IFT140: variants seen among roughly 807,000 people sequenced by gnomAD.
IFT140 encodes the protein intraflagellar transport protein 140 homolog.
In IFT140, 133 loss-of-function variants were observed where a neutral mutation model predicts 164.6. The observed-to-expected ratio is 0.81, with a 90% CI of 0.70 to 0.93. The LOEUF (loss-of-function observed/expected upper bound fraction) is 0.93. Among genes scored for constraint, IFT140 ranks in the 40% least tolerant of loss-of-function variants. The pLI is 0.00. For missense variants in IFT140, 2,045 were observed against 1,972.3 expected (o/e 1.04, Z -0.70); for synonymous variants, 860 against 817.3 (o/e 1.05, Z -0.89).
At chr16:1,526,246 G>A (rs900618667) in intron 20 of IFT140, 169 bp from the exon 21 acceptor site, 10 of 665,416 alleles carry the variant, frequency 1.5e-5, no homozygotes, top group South Asian at 3.8e-5. Context: ...GGGCATCCCC[G>A]TCCCACGGCT....
chr16:1,582,107 C>A (rs183745629), intron 12 of IFT140, among the ~76,000 whole-genome samples: 44 of 152,212 alleles, frequency 2.9e-4, no homozygotes, highest in African/African-American at 1.1e-3. Context: ...GGGAGCTGAG[C>A]TGCACATCCT....
intron 19 of IFT140, among the ~76,000 whole-genome samples, chr16:1,528,351 A>G (rs2029983952): frequency 7.6e-6 from 1 of 131,468 alleles, no homozygotes; most frequent in African/African-American, 2.6e-5. Flanking sequence ...ACACGCATGC[A>G]CGCACGTGTG....
chr16:1,595,826 A>G (rs2755185), intron 4 of IFT140, among the ~76,000 whole-genome samples: 67,344 of 152,006 alleles, frequency 0.44, 16,625 homozygotes, highest in African/African-American at 0.67. Flanking sequence ...ACCGAGGTGA[A>G]CAGATCACTT....
chr16:1,598,834 A>G (rs942911344), intron 4 of IFT140, among the ~76,000 whole-genome samples: 18 of 149,652 alleles, frequency 1.2e-4, no homozygotes, highest in African/African-American at 4.2e-4. Context: ...CCCGGCCGCC[A>G]CCCCGTCTGG....
At chr16:1,512,488 G>A (rs73497509) in intron 30 of IFT140, among the ~76,000 whole-genome samples, 6 of 152,070 alleles carry the variant, frequency 3.9e-5, no homozygotes, top group African/African-American at 9.7e-5. Flanking sequence ...TTTGTATCTC[G>A]AGTTACTAAA....
intron 19 of IFT140, among the ~76,000 whole-genome samples, chr16:1,548,026 A>AG (rs1296496518): frequency 6.6e-6 from 1 of 152,134 alleles, no homozygotes; most frequent in Non-Finnish European, 1.5e-5. Context: ...CCCAGGCATC[A>AG]GTTTATGTCC....
rs75408389 is a variant in IFT140, at chr16:1,558,200, C to T, written c.2200-66G>A. 7.8e-5 allele frequency: 118 copies of T among 1,520,682 alleles called. 1 individual carries two copies. The East Asian group carries it at 2.4e-3, about 31-fold the overall frequency. The allele number at this position is 1,520,682 out of a possible 1,614,324, so 94.2% of individuals were successfully genotyped here. On this transcript the variant is annotated intron_variant, in intron 18 of 30. Transcript: ENST00000426508. Reference sequence around the variant, plus strand: ...AAAGCTGAAGCCCTCACCCAGACCTCGTCCTCTGGATTTAGCTCCCTTATG... The same window carrying T: ...AAAGCTGAAGCCCTCACCCAGACCTTGTCCTCTGGATTTAGCTCCCTTATG...
Position 1,518,363 on chromosome 16 carries a change from G to A in IFT140, c.4041-6C>T, listed in dbSNP as rs1596295050. 12 of 1,612,116 alleles carry A rather than the reference G, an allele frequency of 7.4e-6. No homozygotes were observed. The highest frequency in any genetic ancestry group is 4.5e-5 in the East Asian group (2 of 44,806). ...TGGGGTCCTCTGTGTACGTCCTGCC[G>A]AGAGCAGAGATGAGGCCTGGGCCCC... On this transcript the variant is annotated splice_region_variant and splice_polypyrimidine_tract_variant and intron_variant, in intron 29 of 30. Coordinates refer to ENST00000426508, the MANE Select transcript of IFT140 (RefSeq NM_014714.4).
chr16:1,518,431 CTT>C (rs1391794514), intron 29 of IFT140, 74 bp from the exon 30 acceptor site: 18 of 1,455,088 alleles, frequency 1.2e-5, no homozygotes, highest in Non-Finnish European at 1.7e-5. Flanking sequence ...AGAGGAGACT[CTT>C]GGCCTGTAAG....
At chr16:1,588,857 G>C (rs1295125951) in intron 7 of IFT140, among the ~76,000 whole-genome samples, 3 of 152,170 alleles carry the variant, frequency 2.0e-5, no homozygotes, top group African/African-American at 7.2e-5. Flanking sequence ...TCCTGGGGTG[G>C]ATGAGCCCTG....
intron 4 of IFT140, among the ~76,000 whole-genome samples, chr16:1,600,945 A>G (rs2667684): frequency 0.62 from 94,725 of 151,644 alleles, 32,305 homozygotes; most frequent in African/African-American, 0.9. Flanking sequence ...CTAACCAACC[A>G]ACTGACCAGG....
At chr16:1,541,712 C>T (rs1260397696) in intron 19 of IFT140, among the ~76,000 whole-genome samples, 2 of 152,074 alleles carry the variant, frequency 1.3e-5, no homozygotes. Flanking sequence ...TGGGATGAAC[C>T]CTTCCCATCA....
chr16:1,566,864 C>T (rs188021899), intron 15 of IFT140, among the ~76,000 whole-genome samples: 18 of 152,286 alleles, frequency 1.2e-4, no homozygotes, highest in Admixed American at 2.6e-4. Flanking sequence ...ACCTCCCTGG[C>T]GGCACCTGCT....
intron 2 of IFT140, among the ~76,000 whole-genome samples, chr16:1,609,355 C>T (rs1160338498): frequency 6.6e-6 from 1 of 152,150 alleles, no homozygotes; most frequent in Non-Finnish European, 1.5e-5. Context: ...TCAAGGTTCC[C>T]CCCGGCTTTG....
At chr16:1,586,104 G>C in intron 10 of IFT140, 26 bp downstream of exon 10, 1 of 1,607,702 alleles carries the variant, frequency 6.2e-7, no homozygotes, top group Non-Finnish European at 8.5e-7. Flanking sequence ...GAAAATGAGT[G>C]CACCGAACAC....
chr16:1,558,019 G>A lies in IFT140; in HGVS notation c.2315C>T (p.Thr772Ile), dbSNP rs370514307. 11 of 1,613,866 alleles carry A rather than the reference G, an allele frequency of 6.8e-6. No individual in the cohort carries two copies. The highest frequency in any genetic ancestry group is 1.3e-5 in the African/African-American group (1 of 74,934). Residue 772 changes from threonine to isoleucine, a missense_variant, in exon 19 of 31, where the codon ACC (threonine) becomes ATC (isoleucine). Physicochemically the swap from Thr to Ile is moderately conservative, Grantham distance 89. Coordinates refer to ENST00000426508, the MANE Select transcript of IFT140 (RefSeq NM_014714.4). The part of the protein sequence containing the change: ...FVGLEDCDKA[T>I]RDAMLHFSFF... ...GCTGAAGTGGAGCATGGCGTCCCGG[G>A]TGGCCTTGTCGCAGTCCTCCAGCCC...
chr16:1,518,255 G>A lies in IFT140; in HGVS notation c.4143C>T (p.Phe1381=), dbSNP rs757428620. ...CCTTCCGCACGTAGTGCTCCACCAG[G>A]AAGCCATAGACGTCCCCGATGCGGA... ...STIRIGDVYG[F]LVEHYVRKEE... Residue 1381 remains phenylalanine, a synonymous_variant, in exon 30 of 31, where the codon TTC becomes TTT. Coordinates refer to ENST00000426508, the MANE Select transcript of IFT140 (RefSeq NM_014714.4). 10 of 1,614,116 alleles carry A rather than the reference G, an allele frequency of 6.2e-6. No homozygotes were observed. The South Asian group carries it at 9.9e-5, about 16-fold the overall frequency.
chr16:1,519,770 T>G, intron 29 of IFT140, 111 bp downstream of exon 29: 22 of 1,039,270 alleles, frequency 2.1e-5, no homozygotes, highest in Non-Finnish European at 2.8e-5. Flanking sequence ...CTGTCCCAAG[T>G]GAGCTCCCAT....
In IFT140 at chr16:1,553,925, C is replaced by T; in HGVS notation, c.2399+4010G>A. The T allele has an allele frequency of 4.7e-6, 6 of 1,282,984 alleles. No homozygotes were observed. In the South Asian group the frequency reaches 6.2e-5, roughly 13 times the overall value. 79.5% of individuals were successfully genotyped at this position (1,282,984 alleles called of 1,614,324 possible). ...GTAAGAACTAAAAAGGTCTTTGGAG[C>T]TCCTCAAAGATAAAACTGTAAGTGA... On this transcript the variant is annotated intron_variant, in intron 19 of 30. Transcript: ENST00000426508. The surrounding 1 kb of genome is among the most constrained non-coding windows in gnomAD (Gnocchi z 4.4).
Sources: gnomAD v4.1 joint callset for allele counts (sites outside exome capture counted in the v4.1 genomes callset) on GRCh38, gnomAD v4.1.1 for gene constraint, Gnocchi (gnomAD v3.1) non-coding constraint, MANE v1.5 for transcripts, NCBI Gene and HGNC (gene_info 2026-07-23, HGNC 2026-07-21) for gene names.